The following NR2F2 variants were observed in gnomAD, a reference collection of about 807,000 sequenced individuals.
The protein encoded by NR2F2 is COUP transcription factor 2.
A neutral mutation model predicts 34.8 loss-of-function variants in NR2F2; 2 were observed. The ratio of observed to expected loss-of-function variants is 0.06; its 90% CI spans 0.02 to 0.18. NR2F2 has a LOEUF of 0.18. Ranked by LOEUF, NR2F2 falls within the 10% of genes least tolerant of loss-of-function variation. The probability of loss-of-function intolerance (pLI) is 1.00; values close to 1 mark genes in which losing one functional copy is unlikely to be tolerated. For missense variants in NR2F2, 300 were observed against 580.1 expected, an observed-to-expected ratio of 0.52 and a Z score of 4.96; for synonymous variants, 274 against 251.8, an observed-to-expected ratio of 1.09 and a Z score of -0.84.
chr15:96,337,292 T>C, intron 2 of NR2F2, 56 bp from the exon 3 acceptor site: 10 of 1,577,648 alleles, frequency 6.3e-6, no homozygotes, highest in Non-Finnish European at 8.6e-6. Flanking sequence ...TTCTTCTTCT[T>C]CTTCTTCTTC....
In NR2F2 at chr15:96,331,567, C is replaced by A; in HGVS notation, c.-539C>A. The A allele has an allele frequency of 2.5e-6, 3 of 1,221,972 alleles. No homozygotes were observed. Among genetic ancestry groups the A allele is most frequent in the Non-Finnish European group, 3.0e-6 (3 of 984,134 alleles). 75.7% of individuals were successfully genotyped at this position (1,221,972 alleles called of 1,614,324 possible). A position where few individuals can be genotyped will look rare whatever the true frequency, so the allele number is the denominator to read the frequency against. ...TCCTCTACCTCCTCCTTCACCACCA[C>A]CTCCTCTTCCTCCTCCTCCTCCTCC... On this transcript the variant is annotated 5_prime_UTR_variant, in exon 1 of 3. Coordinates refer to ENST00000394166, the MANE Select transcript of NR2F2 (RefSeq NM_021005.4).
Position 96,336,019 on chromosome 15 carries a change from A to G in NR2F2, c.971-1329A>G, listed in dbSNP as rs189752386. ...TGCCTGCTGCAGATATACAGACAAG[A>G]TATCTCCCTACCTCATAGCCACCTT... is the stretch of plus-strand genomic sequence containing the variant. On this transcript the variant is annotated intron_variant, in intron 2 of 2. Coordinates refer to ENST00000394166, the MANE Select transcript of NR2F2 (RefSeq NM_021005.4). 8.6e-4 allele frequency among the ~76,000 whole-genome samples: 131 copies of G among 152,082 alleles called. 1 individual carries two copies. Among genetic ancestry groups the G allele is most frequent in the Admixed American group, 2.6e-3 (40 of 15,290 alleles).
At chr15:96,337,284 C>T (rs1369201040) in intron 2 of NR2F2, 64 bp from the exon 3 acceptor site, 91 of 744,084 alleles carry the variant, frequency 1.2e-4, no homozygotes, top group Non-Finnish European at 1.5e-4. Flanking sequence ...TGACTGAATT[C>T]TTCTTCTTCT....
rs1212982694 is a variant in NR2F2 at position 96,337,473 on chromosome 15, C to T, written c.1096C>T (p.Arg366Cys). ...GACGAGATTCGGAAAGCTTTTGCTTCGCCTCCCTTCCCTCCGCACCGTCTC... is the reference window on the plus strand; with the variant it reads ...GACGAGATTCGGAAAGCTTTTGCTTTGCCTCCCTTCCCTCCGCACCGTCTC... Reference protein sequence around the residue: ...QPTRFGKLLLRLPSLRTVSSS... With the variant: ...QPTRFGKLLLCLPSLRTVSSS... Residue 366 changes from arginine to cysteine, a missense_variant, in exon 3 of 3, where the codon CGC becomes TGC. Physicochemically the swap from Arg to Cys is radical, Grantham distance 180. Transcript: ENST00000394166. The T allele has an allele frequency of 6.2e-7, 1 of 1,614,120 alleles. No homozygotes were observed. The highest frequency in any genetic ancestry group is 8.5e-7 in the Non-Finnish European group (1 of 1,180,034).
Position 96,331,369 on chromosome 15 carries a change from C to T in NR2F2, c.-737C>T. 8.2e-7 allele frequency: 1 copy of T among 1,220,474 alleles called. No individual in the cohort carries two copies. 75.6% of individuals were successfully genotyped at this position (1,220,474 alleles called of 1,614,324 possible). On this transcript the variant is annotated 5_prime_UTR_variant, in exon 1 of 3. Transcript: ENST00000394166. ...TCATGCTGATTCCCCCGGACCCGGG[C>T]AGCGCTCCGGCCACTCCGCGGGCCG...
At chr15:96,335,912 G>A (rs1899311689) in intron 2 of NR2F2, among the ~76,000 whole-genome samples, 1 of 152,178 alleles carries the variant, frequency 6.6e-6, no homozygotes, top group African/African-American at 2.4e-5. Context: ...TCAATTAAAG[G>A]CCAGTGTCTG....
chr15:96,333,369 G>C, intron 1 of NR2F2: 1 of 1,001,876 alleles, frequency 1.0e-6, no homozygotes, highest in Non-Finnish European at 1.2e-6. Flanking sequence ...GCCTGGGCCC[G>C]AGCCTCGCCG....
chr15:96,329,553 A>G (rs564472341), upstream of NR2F2, among the ~76,000 whole-genome samples: 1 of 152,342 alleles, frequency 6.6e-6, no homozygotes, highest in South Asian at 2.1e-4. Flanking sequence ...AACTTGAGGA[A>G]CAATGAAGTC....
At chr15:96,334,725 A>G (rs1942379882) in intron 2 of NR2F2, 122 bp downstream of exon 2, 3 of 1,098,274 alleles carry the variant, frequency 2.7e-6, no homozygotes, top group Non-Finnish European at 3.9e-6. Flanking sequence ...TGTTGAGTGC[A>G]ACTTAAAGTG....
chr15:96,331,129 C>T lies in NR2F2; in HGVS notation c.-977C>T. 1 of 1,147,010 alleles carries T rather than the reference C, an allele frequency of 8.7e-7. No homozygotes were observed. Among genetic ancestry groups the T allele is most frequent in the Non-Finnish European group, 1.1e-6 (1 of 929,286 alleles). 71.1% of individuals were successfully genotyped at this position (1,147,010 alleles called of 1,614,324 possible). A position where few individuals can be genotyped will look rare whatever the true frequency, so the allele number is the denominator to read the frequency against. On this transcript the variant is annotated 5_prime_UTR_variant, in exon 1 of 3. Transcript: ENST00000394166. ...TCAGCGGCGGCGGCGGCGCTAGACGCAGCGGCTCCGGGCCCGACCCGGCGG... is the reference window on the plus strand; with the variant it reads ...TCAGCGGCGGCGGCGGCGCTAGACGTAGCGGCTCCGGGCCCGACCCGGCGG...
chr15:96,339,195 T>C lies in NR2F2; in HGVS notation c.*1573T>C, dbSNP rs1343825627. ...AATCTTGAGATCAGTATCTATTTTA[T>C]GATCAGAAAAAAATACTCTTTTGTA... is the stretch of plus-strand genomic sequence containing the variant. On this transcript the variant is annotated 3_prime_UTR_variant, in exon 3 of 3. Transcript: ENST00000394166. 2.6e-5 allele frequency: 4 copies of C among 152,204 alleles called. No individual in the cohort carries two copies. Among genetic ancestry groups the C allele is most frequent in the Non-Finnish European group, 4.4e-5 (3 of 68,040 alleles). The allele number at this position is 152,204 out of a possible 1,614,324, so 9.4% of individuals were successfully genotyped here.
chr15:96,331,000 C>A lies in NR2F2; in HGVS notation c.-1106C>A. 8.2e-7 allele frequency: 1 copy of A among 1,221,326 alleles called. No individual in the cohort carries two copies. The highest frequency in any genetic ancestry group is 1.0e-6 in the Non-Finnish European group (1 of 981,130). The allele number at this position is 1,221,326 out of a possible 1,614,324, so 75.7% of individuals were successfully genotyped here. On this transcript the variant is annotated 5_prime_UTR_variant, in exon 1 of 3. Coordinates refer to ENST00000394166, the MANE Select transcript of NR2F2 (RefSeq NM_021005.4). Reference sequence around the variant, plus strand: ...CCCTCCTCTCTCTCTTTTATCATTTCTCCCCCGCCGCCGGCGAGTTGACTC... The same window carrying A: ...CCCTCCTCTCTCTCTTTTATCATTTATCCCCCGCCGCCGGCGAGTTGACTC...
intron 2 of NR2F2, 89 bp from the exon 3 acceptor site, chr15:96,337,259 A>G (rs1431535032): frequency 1.0e-5 from 15 of 1,500,690 alleles, no homozygotes; most frequent in Non-Finnish European, 1.4e-5. Context: ...ACCCAATTCA[A>G]ACCTCTTAAT....
In NR2F2 at chr15:96,335,968, C is replaced by G. The variant is rs886638619; in HGVS notation, c.970+1365C>G. Among the ~76,000 whole-genome samples the G allele has an allele frequency of 2.6e-5, 4 of 152,182 alleles. No individual in the cohort carries two copies. The East Asian group carries it at 7.7e-4, about 29-fold the overall frequency. ...AGGTTTGGATAGGGATTATTTTTCT[C>G]GAGTGCCCCTCATACCTAGAACGTT... On this transcript the variant is annotated intron_variant, in intron 2 of 2. Transcript: ENST00000394166.
rs761314012 is a variant in NR2F2 at position 96,332,304 on chromosome 15, G to C, written c.199G>C (p.Gly67Arg). 8 of 1,579,790 alleles carry C rather than the reference G, an allele frequency of 5.1e-6. No homozygotes were observed. In the African/African-American group the frequency reaches 9.5e-5, roughly 19 times the overall value. Reference sequence around the variant, plus strand: ...TGGCCAGGGCGGCCCTGGCGGCCCGGGTAGCGACAAGCAGCAGCAGCAGCA... The same window carrying C: ...TGGCCAGGGCGGCCCTGGCGGCCCGCGTAGCGACAAGCAGCAGCAGCAGCA... ...AGGQGGPGGP[G>R]SDKQQQQQHI... Residue 67 changes from glycine to arginine, a missense_variant, in exon 1 of 3, where the codon GGT becomes CGT. Gly to Arg is a moderately radical substitution (Grantham distance 125). Around this residue, in one of 6 missense-constraint regions of NR2F2, gnomAD observed 105 missense variants for 107.8 expected, o/e 0.97. Transcript: ENST00000394166.
Position 96,331,940 on chromosome 15 carries a change from C to G in NR2F2, c.-166C>G. 8.3e-7 allele frequency: 1 copy of G among 1,209,562 alleles called. No individual in the cohort carries two copies. Among genetic ancestry groups the G allele is most frequent in the Non-Finnish European group, 1.0e-6 (1 of 973,986 alleles). 74.9% of individuals were successfully genotyped at this position (1,209,562 alleles called of 1,614,324 possible). ...AACAAAAAAGGAAAAACTAACCAAC[C>G]TCAACCAACCAGCCCCCGAGCCACC... On this transcript the variant is annotated 5_prime_UTR_variant, in exon 1 of 3. Coordinates refer to ENST00000394166, the MANE Select transcript of NR2F2 (RefSeq NM_021005.4).
At chr15:96,337,299 CTTCTTCTTT>C (rs762395331) in intron 2 of NR2F2, 40 bp from the exon 3 acceptor site, 35 of 1,581,874 alleles carry the variant, frequency 2.2e-5, no homozygotes, top group East Asian at 4.5e-5. Context: ...TCTTCTTCTT[CTTCTTCTTT>C]TTCTTCTTCT....
chr15:96,327,488 T>C (rs1362848686), upstream of NR2F2: 2 of 152,248 alleles, frequency 1.3e-5, no homozygotes, highest in Non-Finnish European at 2.9e-5. Context: ...GATTTAGCAC[T>C]GTAAATTTTT....
At chr15:96,326,557 T>C (rs1434383775), upstream of NR2F2, among the ~76,000 whole-genome samples, 1 of 147,158 alleles carries the variant, frequency 6.8e-6, no homozygotes, top group South Asian at 2.2e-4. This position sits in a 1 kb window ranked among gnomAD's most constrained non-coding sequence, Gnocchi z 5.5. Flanking sequence ...TACATGTGTG[T>C]GGTAGGAGAG....
Sources: allele counts gnomAD v4.1 joint callset (sites outside exome capture counted in the v4.1 genomes callset), GRCh38; gene constraint gnomAD v4.1.1; regional missense constraint gnomAD v4.1.1; non-coding constraint Gnocchi (gnomAD v3.1); transcripts MANE v1.5; gene names NCBI Gene and HGNC (gene_info 2026-07-23, HGNC 2026-07-21).